Variants in HS3ST5 observed in about 807,000 individuals in gnomAD.
The protein encoded by HS3ST5 is heparan sulfate glucosamine 3-O-sulfotransferase 5.
HS3ST5 carries 10 observed loss-of-function variants against 25.4 expected under a neutral mutation model. The ratio of observed to expected loss-of-function variants is 0.39; its 90% CI spans 0.24 to 0.67. The LOEUF is 0.67. HS3ST5 is among the 30% of genes least tolerant of loss of function. The pLI is 0.44. For missense variants in HS3ST5, 324 were observed against 420.7 expected (o/e 0.77, Z 2.01); for synonymous variants, 170 against 162.4 (o/e 1.05, Z -0.36).
chr6:114,214,699 G>A (rs1014228815), intron 2 of HS3ST5, among the ~76,000 whole-genome samples: 5 of 152,196 alleles, frequency 3.3e-5, no homozygotes, highest in Admixed American at 2.0e-4. Context: ...GAGCAAGACT[G>A]AGAAATTATA....
intron 2 of HS3ST5, among the ~76,000 whole-genome samples, chr6:114,223,435 T>C (rs911343720): frequency 6.6e-6 from 1 of 151,782 alleles, no homozygotes; most frequent in Non-Finnish European, 1.5e-5. Context: ...CCTATTTGTT[T>C]TTAACTGAGC....
chr6:114,253,736 G>T (rs1772771975), intron 1 of HS3ST5, among the ~76,000 whole-genome samples: 1 of 152,150 alleles, frequency 6.6e-6, no homozygotes, highest in South Asian at 2.1e-4. Flanking sequence ...CAGCCAGTCT[G>T]CTTGGCTTCT....
chr6:114,288,196 A>T (rs2114764448), intron 1 of HS3ST5, among the ~76,000 whole-genome samples: 1 of 152,238 alleles, frequency 6.6e-6, no homozygotes, highest in East Asian at 1.9e-4. Context: ...TCAACAGGTA[A>T]ACAGCATTTG....
chr6:114,179,195 A>G (rs905762994), intron 2 of HS3ST5: 3 of 152,198 alleles, frequency 2.0e-5, no homozygotes, highest in Non-Finnish European at 4.4e-5. Context: ...TGTTTTGCTC[A>G]CTGCTGTATC....
At chr6:114,332,175 G>T (rs921064511) in intron 1 of HS3ST5, among the ~76,000 whole-genome samples, 2 of 152,038 alleles carry the variant, frequency 1.3e-5, no homozygotes, top group Non-Finnish European at 2.9e-5. Flanking sequence ...TAATCATATT[G>T]ACAGATGGAT....
At chr6:114,150,210 GTTAAGT>G (rs2114958297) in intron 3 of HS3ST5, among the ~76,000 whole-genome samples, 1 of 152,318 alleles carries the variant, frequency 6.6e-6, no homozygotes, top group South Asian at 2.1e-4. Context: ...TGGATGTCCT[GTTAAGT>G]TTGTTTTTAA....
chr6:114,055,898 C>G lies in HS3ST5; in HGVS notation c.*1359G>C, dbSNP rs538650529. The G allele has an allele frequency of 7.2e-5, 11 of 152,238 alleles. No homozygotes were observed. The highest frequency in any genetic ancestry group is 2.0e-4 in the Admixed American group (3 of 15,294). 9.4% of individuals were successfully genotyped at this position (152,238 alleles called of 1,614,324 possible). ...AGTGTATCTGATGTTAGCGAGGCAC[C>G]AATTTAGCATTAATTTCTCTGGATG... On this transcript the variant is annotated 3_prime_UTR_variant, in exon 5 of 5. Coordinates refer to ENST00000312719, the MANE Select transcript of HS3ST5 (RefSeq NM_153612.4).
At chr6:114,092,859 G>A (rs1158926160) in intron 3 of HS3ST5, among the ~76,000 whole-genome samples, 1 of 151,926 alleles carries the variant, frequency 6.6e-6, no homozygotes, top group African/African-American at 2.4e-5. Context: ...ATTTTCAGTA[G>A]AGATGGGGTT....
chr6:114,258,220 T>C (rs1582765779), intron 1 of HS3ST5, among the ~76,000 whole-genome samples: 2 of 152,180 alleles, frequency 1.3e-5, no homozygotes, highest in East Asian at 1.9e-4. Flanking sequence ...TACCCACATA[T>C]GCCCTCCTCT....
rs1582767069 is a variant in HS3ST5, at chr6:114,259,803, T to A, written c.-338-31025A>T. Among the ~76,000 whole-genome samples, 7 of 152,290 alleles carry A rather than the reference T, an allele frequency of 4.6e-5. No individual in the cohort carries two copies. In the South Asian group the frequency reaches 1.5e-3, roughly 32 times the overall value. ...GAAATATGTCTGAGGAACACGTGCA[T>A]CAATCCACAATGCACAGGTTTCATG... On this transcript the variant is annotated intron_variant, in intron 1 of 4. Coordinates refer to ENST00000312719, the MANE Select transcript of HS3ST5 (RefSeq NM_153612.4).
chr6:114,148,124 C>T (rs577199192), intron 3 of HS3ST5, among the ~76,000 whole-genome samples: 14 of 152,266 alleles, frequency 9.2e-5, no homozygotes, highest in African/African-American at 2.9e-4. Context: ...TCAGAAATAA[C>T]ACCACACATC....
intron 3 of HS3ST5, among the ~76,000 whole-genome samples, chr6:114,072,577 A>G (rs1197739321): frequency 6.6e-6 from 1 of 152,216 alleles, no homozygotes; most frequent in Non-Finnish European, 1.5e-5. Flanking sequence ...ATGGAATACT[A>G]CACATCTCTT....
chr6:114,303,411 A>C (rs938412783), intron 1 of HS3ST5, among the ~76,000 whole-genome samples: 3 of 148,756 alleles, frequency 2.0e-5, no homozygotes, highest in African/African-American at 7.5e-5. Flanking sequence ...TGGACTTAGG[A>C]GGTCCAAAAA....
At chr6:114,218,454 TTGGTATGAATA>T (rs1439396775) in intron 2 of HS3ST5, among the ~76,000 whole-genome samples, 3 of 152,202 alleles carry the variant, frequency 2.0e-5, no homozygotes, top group Non-Finnish European at 4.4e-5. Flanking sequence ...CAAACATATA[TTGGTATGAATA>T]ATTCTCTTCA....
chr6:114,133,277 T>C (rs1276491962), intron 3 of HS3ST5, among the ~76,000 whole-genome samples: 1 of 152,192 alleles, frequency 6.6e-6, no homozygotes, highest in Non-Finnish European at 1.5e-5. Flanking sequence ...GACCTGAGCC[T>C]GCCTCCACGA....
intron 1 of HS3ST5, among the ~76,000 whole-genome samples, chr6:114,297,182 C>A (rs891299922): frequency 2.6e-5 from 4 of 152,012 alleles, no homozygotes; most frequent in African/African-American, 9.7e-5. Flanking sequence ...TAGACATTTA[C>A]TTCAATCATT....
chr6:114,309,920 CATAAAT>C (rs1283120462), intron 1 of HS3ST5, among the ~76,000 whole-genome samples: 1 of 152,090 alleles, frequency 6.6e-6, no homozygotes, highest in African/African-American at 2.4e-5. Flanking sequence ...ACTTTGATTT[CATAAAT>C]ATAAAGTACA....
intron 1 of HS3ST5, among the ~76,000 whole-genome samples, chr6:114,295,120 T>C (rs1412276790): frequency 6.6e-6 from 1 of 152,204 alleles, no homozygotes; most frequent in African/African-American, 2.4e-5. Flanking sequence ...TGAGAGAGTG[T>C]GTGCCTACAT....
intron 2 of HS3ST5, among the ~76,000 whole-genome samples, chr6:114,170,437 A>G (rs986073544): frequency 2.6e-5 from 4 of 152,184 alleles, no homozygotes; most frequent in Non-Finnish European, 5.9e-5. Context: ...AAAAAGGATC[A>G]ATTTCCTTTA....
Sources: allele counts gnomAD v4.1 joint callset (sites outside exome capture counted in the v4.1 genomes callset), GRCh38; gene constraint gnomAD v4.1.1; transcripts MANE v1.5; gene names NCBI Gene and HGNC (gene_info 2026-07-23, HGNC 2026-07-21).